Variants in DLGAP4 observed in about 807,000 individuals in gnomAD.
The protein encoded by DLGAP4 is disks large-associated protein 4.
Under a neutral mutation model 86.9 loss-of-function variants are expected in DLGAP4, and 18 were observed. The observed-to-expected ratio is 0.21, with a 90% CI of 0.14 to 0.31. The LOEUF is 0.31. DLGAP4 is among the 10% of genes least tolerant of loss of function. DLGAP4 has a pLI of 1.00. For synonymous variants in DLGAP4, 548 were observed against 574.3 expected, an observed-to-expected ratio of 0.95 and a Z score of 0.65; for missense variants, 1,085 against 1,362.6, an observed-to-expected ratio of 0.80 and a Z score of 3.21.
Position 36,432,413 on chromosome 20 carries a change from C to T in DLGAP4, c.696C>T (p.Arg232=). ...GPASGLMTLG[R]QAERSQPRYF... ...CCTCTGGGCTGATGACACTAGGCCG[C>T]CAGGCAGAACGCAGCCAGCCACGCT... The change falls in exon 3 of 13, where the codon CGC becomes CGT. Residue 232 remains arginine, a synonymous_variant. Transcript: ENST00000339266. This position sits in a 1 kb window ranked among gnomAD's most constrained non-coding sequence, Gnocchi z 6.5. 6.2e-7 allele frequency: 1 copy of T among 1,613,746 alleles called. No individual in the cohort carries two copies. The highest frequency in any genetic ancestry group is 8.5e-7 in the Non-Finnish European group (1 of 1,180,038).
chr20:36,480,215 A>C (rs2035124344), intron 7 of DLGAP4, among the ~76,000 whole-genome samples: 1 of 152,088 alleles, frequency 6.6e-6, no homozygotes, highest in Admixed American at 6.5e-5. Flanking sequence ...GTATCAGCTG[A>C]TCTCCTATTC....
Position 36,489,712 on chromosome 20 carries a change from G to A in DLGAP4, c.1649-6993G>A, listed in dbSNP as rs566016894. Among the ~76,000 whole-genome samples the A allele has an allele frequency of 7.2e-5, 11 of 152,210 alleles. No individual in the cohort carries two copies. The South Asian group carries it at 1.7e-3, about 23-fold the overall frequency. Reference sequence around the variant, plus strand: ...CTCAGGGAGGCTGGCTCCAGATCACGGGGAGAAGGTAAGGATGGGAGGGGC... The same window carrying A: ...CTCAGGGAGGCTGGCTCCAGATCACAGGGAGAAGGTAAGGATGGGAGGGGC... On this transcript the variant is annotated intron_variant, in intron 7 of 12. Coordinates refer to ENST00000339266, the MANE Select transcript of DLGAP4 (RefSeq NM_001365621.2).
chr20:36,317,282 T>TTCTTTCTTA (rs2065115791), intron 1 of DLGAP4, among the ~76,000 whole-genome samples: 11 of 30,378 alleles, frequency 3.6e-4, no homozygotes, highest in Admixed American at 9.1e-4. Flanking sequence ...TTTCTTATCT[T>TTCTTTCTTA]TCTTTCTTTC....
At chr20:36,331,266 G>A (rs1466396876) in intron 1 of DLGAP4, among the ~76,000 whole-genome samples, 1 of 152,244 alleles carries the variant, frequency 6.6e-6, no homozygotes, top group Admixed American at 6.5e-5. Flanking sequence ...GTCAGAAAAC[G>A]AGGGGAAGAG....
intron 7 of DLGAP4, chr20:36,461,693 C>T: frequency 1.9e-6 from 1 of 521,056 alleles, no homozygotes; most frequent in Non-Finnish European, 2.4e-6. Flanking sequence ...GCCCCGCCCC[C>T]GCCCTCGCCC....
intron 7 of DLGAP4, among the ~76,000 whole-genome samples, chr20:36,469,502 C>T (rs1435706754): frequency 6.6e-6 from 1 of 152,184 alleles, no homozygotes; most frequent in Non-Finnish European, 1.5e-5. Context: ...CATGTAATCC[C>T]AGCACTTTGA....
intron 1 of DLGAP4, among the ~76,000 whole-genome samples, chr20:36,307,222 C>T (rs1347478166): frequency 1.3e-5 from 2 of 152,182 alleles, no homozygotes; most frequent in Non-Finnish European, 2.9e-5. Flanking sequence ...ACCGGAGGCC[C>T]CCACGTGCGG....
chr20:36,424,376 T>C (rs531022804), intron 2 of DLGAP4, among the ~76,000 whole-genome samples: 1 of 152,166 alleles, frequency 6.6e-6, no homozygotes, highest in South Asian at 2.1e-4. Flanking sequence ...GGACAGACTA[T>C]GGGTGGAGCA....
chr20:36,499,933 G>C (rs1569520588), intron 9 of DLGAP4, among the ~76,000 whole-genome samples: 1 of 152,230 alleles, frequency 6.6e-6, no homozygotes, highest in African/African-American at 2.4e-5. Context: ...CCCTGATGCT[G>C]GTGGTCTTCC....
intron 2 of DLGAP4, among the ~76,000 whole-genome samples, chr20:36,380,348 T>C (rs2031328334): frequency 6.6e-6 from 1 of 151,782 alleles, no homozygotes; most frequent in African/African-American, 2.4e-5. Context: ...AGGTCTAGGC[T>C]GCAGTGAGCT....
At chr20:36,461,751 G>GGGCCGCCCCC in intron 7 of DLGAP4, 1 of 618,850 alleles carries the variant, frequency 1.6e-6, no homozygotes, top group Non-Finnish European at 1.9e-6. Flanking sequence ...CCGTCCGTCC[G>GGGCCGCCCCC]CCCGCCCGCC....
intron 10 of DLGAP4, among the ~76,000 whole-genome samples, chr20:36,514,219 G>C (rs779415465): frequency 1.1e-4 from 17 of 152,150 alleles, no homozygotes; most frequent in Non-Finnish European, 1.8e-4. Context: ...TAGAAAGGCA[G>C]AGGTCATTAG....
chr20:36,355,912 G>C (rs1555893789), intron 1 of DLGAP4, among the ~76,000 whole-genome samples: 1 of 152,196 alleles, frequency 6.6e-6, no homozygotes, highest in Non-Finnish European at 1.5e-5. Context: ...CGTGAGGATA[G>C]AGCTCAGGCC....
intron 2 of DLGAP4, among the ~76,000 whole-genome samples, chr20:36,376,296 C>A (rs1176717521): frequency 6.6e-6 from 1 of 151,998 alleles, no homozygotes; most frequent in Non-Finnish European, 1.5e-5. Flanking sequence ...ACGGCGAAAC[C>A]CCATTTCTAC....
At chr20:36,483,921 A>C (rs2035298604) in intron 7 of DLGAP4, among the ~76,000 whole-genome samples, 1 of 152,224 alleles carries the variant, frequency 6.6e-6, no homozygotes, top group South Asian at 2.1e-4. Flanking sequence ...CCAGGAATAA[A>C]GGGCCCATTT....
At chr20:36,385,885 C>G (rs927367428) in intron 2 of DLGAP4, among the ~76,000 whole-genome samples, 8 of 152,172 alleles carry the variant, frequency 5.3e-5, no homozygotes, top group Admixed American at 2.0e-4. Flanking sequence ...AGAGATCTGC[C>G]TCCCCACTTC....
intron 2 of DLGAP4, among the ~76,000 whole-genome samples, chr20:36,421,549 G>A (rs2032828437): frequency 6.6e-6 from 1 of 152,078 alleles, no homozygotes; most frequent in South Asian, 2.1e-4. Context: ...GAGAGATAGT[G>A]GGGACTCGGC....
chr20:36,495,241 ATGT>A (rs751159257), intron 7 of DLGAP4, among the ~76,000 whole-genome samples: 6 of 152,114 alleles, frequency 3.9e-5, no homozygotes, highest in Non-Finnish European at 8.8e-5. Flanking sequence ...ATAGCATTTG[ATGT>A]TGTCACTTTT....
At chr20:36,409,061 A>G (rs1320349138) in intron 2 of DLGAP4, among the ~76,000 whole-genome samples, 1 of 134,296 alleles carries the variant, frequency 7.4e-6, no homozygotes, top group Admixed American at 8.2e-5. Context: ...TTTGAGACAG[A>G]GTCTCGCTCT....
Sources: allele counts gnomAD v4.1 joint callset (sites outside exome capture counted in the v4.1 genomes callset), GRCh38; gene constraint gnomAD v4.1.1; non-coding constraint Gnocchi (gnomAD v3.1); transcripts MANE v1.5; gene names NCBI Gene and HGNC (gene_info 2026-07-23, HGNC 2026-07-21).